Variants in CDK12 observed in about 807,000 individuals in gnomAD.
CDK12 encodes the protein cyclin-dependent kinase 12.
Under a neutral mutation model 133.8 loss-of-function variants are expected in CDK12, and 17 were observed. The observed-to-expected ratio is 0.13, with a 90% CI of 0.09 to 0.19. CDK12 has a LOEUF of 0.19. CDK12 is among the 10% of genes least tolerant of loss of function. CDK12 has a pLI of 1.00. For missense variants in CDK12, 1,508 were observed against 1,818.7 expected (o/e 0.83, Z 3.11); for synonymous variants, 694 against 683.6 (o/e 1.02, Z -0.24).
At chr17:39,566,586 C>T (rs1168954697), downstream of CDK12, among the ~76,000 whole-genome samples, 3 of 152,332 alleles carry the variant, frequency 2.0e-5, no homozygotes, top group Non-Finnish European at 2.9e-5. Context: ...TACCCCCCTT[C>T]TCTGCACCTC....
At chr17:39,566,269 C>T (rs1028810758), downstream of CDK12, among the ~76,000 whole-genome samples, 2 of 152,118 alleles carry the variant, frequency 1.3e-5, no homozygotes, top group Non-Finnish European at 2.9e-5. Context: ...TTAGGAATGT[C>T]CCTTCCCACA....
intron 5 of CDK12, among the ~76,000 whole-genome samples, chr17:39,499,701 A>G (rs1368865962): frequency 1.5e-5 from 2 of 134,536 alleles, no homozygotes; most frequent in Non-Finnish European, 3.2e-5. Flanking sequence ...TTTAGTAGAG[A>G]TGGGGTTTCA....
chr17:39,492,989 G>T (rs1431182413), intron 4 of CDK12, 99 bp downstream of exon 4: 3 of 869,320 alleles, frequency 3.5e-6, no homozygotes, highest in Non-Finnish European at 5.0e-6. Flanking sequence ...GAGGTGTTTT[G>T]TTTGTTTGTT....
intron 1 of CDK12, among the ~76,000 whole-genome samples, chr17:39,539,875 A>G (rs986549496): frequency 6.6e-6 from 1 of 152,224 alleles, no homozygotes; most frequent in African/African-American, 2.4e-5. Context: ...GGGCTCATGT[A>G]TGTTTTGTGC....
chr17:39,486,668 TTA>T (rs1421160649), intron 2 of CDK12, among the ~76,000 whole-genome samples: 1 of 152,102 alleles, frequency 6.6e-6, no homozygotes, highest in Non-Finnish European at 1.5e-5. Flanking sequence ...GGTTGAGAAA[TTA>T]CAAGTTTTTT....
intron 2 of CDK12, among the ~76,000 whole-genome samples, chr17:39,484,899 G>A (rs1017755164): frequency 1.6e-4 from 25 of 152,022 alleles, no homozygotes; most frequent in Admixed American, 1.5e-3. Flanking sequence ...GGCCGGGTGC[G>A]GTGGCTCACG....
chr17:39,564,827 G>C (rs2056515701), exon 4 of CDK12: 2 of 152,292 alleles, frequency 1.3e-5, no homozygotes, highest in South Asian at 4.1e-4. Context: ...AACTGAGGAA[G>C]AACTTCTGAA....
chr17:39,465,568 C>A (rs2049248192), intron 1 of CDK12, among the ~76,000 whole-genome samples: 1 of 151,718 alleles, frequency 6.6e-6, no homozygotes, highest in African/African-American at 2.4e-5. Flanking sequence ...TTCACTGCAA[C>A]CTCTGCCTCT....
chr17:39,518,427 A>G (rs1455148462), intron 10 of CDK12, among the ~76,000 whole-genome samples: 1 of 151,610 alleles, frequency 6.6e-6, no homozygotes, highest in Admixed American at 6.6e-5. Context: ...TCAGCCCCCC[A>G]AATTGCTGGG....
At chr17:39,506,407 G>T (rs2053131210) in intron 6 of CDK12, among the ~76,000 whole-genome samples, 1 of 151,052 alleles carries the variant, frequency 6.6e-6, no homozygotes, top group Admixed American at 6.6e-5. Context: ...TAGAGACGGG[G>T]TTTCACCATG....
chr17:39,495,007 G>T (rs998870914), intron 5 of CDK12, among the ~76,000 whole-genome samples: 1 of 151,920 alleles, frequency 6.6e-6, no homozygotes, highest in Non-Finnish European at 1.5e-5. Context: ...TCCTGACCTC[G>T]TGATCCGCCC....
intron 13 of CDK12, chr17:39,530,019 T>TA (rs2054730988): frequency 1.3e-5 from 2 of 152,266 alleles, no homozygotes; most frequent in Non-Finnish European, 2.9e-5. Flanking sequence ...GAGACGTGAC[T>TA]AAAGTTTGGA....
intron 11 of CDK12, among the ~76,000 whole-genome samples, chr17:39,522,335 C>T (rs35986399): frequency 0.051 from 7,805 of 152,224 alleles, 643 homozygotes; most frequent in African/African-American, 0.18. Flanking sequence ...AATCTGCCTG[C>T]CTCGGCCTCC....
chr17:39,530,874 C>T lies in CDK12; in HGVS notation c.4031C>T (p.Pro1344Leu). 1 of 1,614,196 alleles carries T rather than the reference C, an allele frequency of 6.2e-7. No individual in the cohort carries two copies. Among genetic ancestry groups the T allele is most frequent in the Non-Finnish European group, 8.5e-7 (1 of 1,180,030 alleles). ...AGGACTTATGGAAACACTGATGGGC[C>T]TGAAACAGGGTTCAGTGCCATTGAC... is the stretch of plus-strand genomic sequence containing the variant. ...PNRTYGNTDG[P>L]ETGFSAIDTD... is the part of the protein sequence containing the mutation. The change falls in exon 14 of 14, where the codon CCT (proline) becomes CTT (leucine). Residue 1344 changes from proline (P) to leucine (L), a missense_variant. Physicochemically the swap from Pro to Leu is moderately conservative, Grantham distance 98. Coordinates refer to ENST00000447079, the MANE Select transcript of CDK12 (RefSeq NM_016507.4).
At position 39,482,015 on chromosome 17, in the gene CDK12, C is replaced by CATTTTTTTTTTT. The variant is rs773073791; in HGVS notation, c.1932-8542_1932-8541insATTTTTTTTTTT. Among the ~76,000 whole-genome samples, 22 of 96,254 alleles carry CATTTTTTTTTTT rather than the reference C, an allele frequency of 2.3e-4. 4 individuals carry two copies. The highest frequency in any genetic ancestry group is 0.016 in the Middle Eastern group (2 of 124). 63.1% of individuals were successfully genotyped at this position (96,254 alleles called of 152,430 possible). A position where few individuals can be genotyped will look rare whatever the true frequency, so the allele number is the denominator to read the frequency against. The stretch of plus-strand genomic sequence containing the variant: ...GATTACAGGCATGAGCCTGGCTTGC[C>CATTTTTTTTTTT]TTTTTTTTTTTTTTTTAACAGAGTT... On this transcript the variant is annotated intron_variant, in intron 2 of 13. Transcript: ENST00000447079.
intron 3 of CDK12, among the ~76,000 whole-genome samples, chr17:39,559,431 G>A (rs2144529676): frequency 6.6e-6 from 1 of 152,240 alleles, no homozygotes; most frequent in Non-Finnish European, 1.5e-5. Context: ...AAGCTGAACA[G>A]TTCTAACACA....
rs111686556 is a variant in CDK12, at chr17:39,476,379, G to A, written c.1931+4616G>A. ...CCGCCTCAGCCTCCCAAAGTACTGA[G>A]ATTACTGGCATGAATCCCCGTGCCC... On this transcript the variant is annotated intron_variant, in intron 2 of 13. Transcript: ENST00000447079. 1.3e-4 allele frequency among the ~76,000 whole-genome samples: 20 copies of A among 151,988 alleles called. 1 individual carries two copies. The highest frequency in any genetic ancestry group is 4.8e-4 in the African/African-American group (20 of 41,478).
chr17:39,462,422 G>T lies in CDK12; in HGVS notation c.351G>T (p.Arg117Ser), dbSNP rs2144870436. 1 of 1,614,094 alleles carries T rather than the reference G, an allele frequency of 6.2e-7. No individual in the cohort carries two copies. Among genetic ancestry groups the T allele is most frequent in the South Asian group, 1.1e-5 (1 of 91,078 alleles). ...RLHKHRHHQH[R>S]RSRDLLKAKQ... ...ACAAACATCGTCACCACCAGCACAG[G>T]CGTTCCCGGGACTTACTAAAAGCTA... The change falls in exon 1 of 14, where the codon AGG becomes AGT. Residue 117 changes from arginine to serine, a missense_variant. Transcript: ENST00000447079.
intron 13 of CDK12, among the ~76,000 whole-genome samples, chr17:39,529,371 T>C (rs887576931): frequency 6.6e-6 from 1 of 152,200 alleles, no homozygotes; most frequent in African/African-American, 2.4e-5. Context: ...AATATCTAAT[T>C]ATAACTAAAA....
Sources: gnomAD v4.1 joint callset for allele counts (sites outside exome capture counted in the v4.1 genomes callset) on GRCh38, gnomAD v4.1.1 for gene constraint, MANE v1.5 for transcripts, NCBI Gene and HGNC (gene_info 2026-07-23, HGNC 2026-07-21) for gene names.